DOCK11: variants seen among roughly 807,000 people sequenced by gnomAD.
The protein encoded by DOCK11 is dedicator of cytokinesis protein 11.
DOCK11 carries 70 observed loss-of-function variants against 169.1 expected under a neutral mutation model. The observed-to-expected ratio is 0.41, with a 90% CI of 0.34 to 0.51. The LOEUF (loss-of-function observed/expected upper bound fraction) is 0.51. Ranked by LOEUF, DOCK11 falls within the 20% of genes least tolerant of loss-of-function variation. The pLI, the probability that DOCK11 is intolerant of heterozygous loss-of-function variation, is 0.10. For missense variants in DOCK11, 1,166 were observed against 1,538.8 expected (o/e 0.76, Z 4.05); for synonymous variants, 529 against 541.3 (o/e 0.98, Z 0.32).
At chrX:118,655,088 C>A in intron 44 of DOCK11, 127 bp downstream of exon 44, 1 of 610,779 alleles carries the variant, frequency 1.6e-6, no homozygotes, top group South Asian at 3.1e-5. Flanking sequence ...TGGCCTTATT[C>A]AGTGTTAAAA....
At position 118,629,349 on chromosome X, in the gene DOCK11, T is replaced by C. The variant is rs776593751; in HGVS notation, c.3775-1030T>C. Among the ~76,000 whole-genome samples the C allele has an allele frequency of 4.5e-5, 5 of 111,797 alleles. No individual in the cohort carries two copies. In the South Asian group the frequency reaches 1.9e-3, roughly 42 times the overall value. ...AGTCACATAGTAGCTAGGCAAGCAA[T>C]CAGAACCTAGGTCTGTTTGCTCCAA... On this transcript the variant is annotated intron_variant, in intron 34 of 52. Coordinates refer to ENST00000276202, the MANE Select transcript of DOCK11 (RefSeq NM_144658.4).
At chrX:118,615,249 G>T (rs1321654732) in intron 29 of DOCK11, among the ~76,000 whole-genome samples, 1 of 112,284 alleles carries the variant, frequency 8.9e-6, no homozygotes, top group African/African-American at 3.2e-5. Flanking sequence ...GGCTGATTAT[G>T]TGTTGGAGGC....
chrX:118,618,649 A>G lies in DOCK11; in HGVS notation c.3392A>G (p.Tyr1131Cys). The G allele has an allele frequency of 8.3e-7, 1 of 1,207,058 alleles. No homozygotes were observed. The part of the protein sequence containing the change: ...RETSIALQDN[Y>C]EIRYTAISVI... ...ACTTCCATTGCTCTTCAGGACAATTATGAGATCAGATATACAGCTATCTCT... is the reference window on the plus strand; with the variant it reads ...ACTTCCATTGCTCTTCAGGACAATTGTGAGATCAGATATACAGCTATCTCT... The change falls in exon 31 of 53, where the codon TAT becomes TGT. Residue 1131 changes from tyrosine (Y) to cysteine (C), a missense_variant. Transcript: ENST00000276202.
In DOCK11 at chrX:118,606,299, T is replaced by A. The variant is rs1395347174; in HGVS notation, c.2681+943T>A. On this transcript the variant is annotated intron_variant, in intron 24 of 52. Coordinates refer to ENST00000276202, the MANE Select transcript of DOCK11 (RefSeq NM_144658.4). ...GGTCGGGCTGGTCTCAAACTCCTGA[T>A]CTCAGGCGATCCATCCGCCTCGGCC... 9.0e-5 allele frequency among the ~76,000 whole-genome samples: 10 copies of A among 111,265 alleles called. No individual in the cohort carries two copies. In the Admixed American group the frequency reaches 9.5e-4, roughly 11 times the overall value.
At chrX:118,685,444 A>G in intron 52 of DOCK11, 1 of 294,196 alleles carries the variant, frequency 3.4e-6, no homozygotes, top group South Asian at 8.5e-5. Flanking sequence ...TGAATTTTGC[A>G]TTTTACAGTC....
At chrX:118,651,902 A>G in intron 41 of DOCK11, 62 bp from the exon 42 acceptor site, 1 of 780,116 alleles carries the variant, frequency 1.3e-6, no homozygotes, top group South Asian at 2.4e-5. Flanking sequence ...TTATAAAATG[A>G]TGAGCATAGA....
At chrX:118,652,965 C>T (rs181021939) in intron 42 of DOCK11, among the ~76,000 whole-genome samples, 125 of 112,239 alleles carry the variant, frequency 1.1e-3, no homozygotes, top group African/African-American at 3.9e-3. Context: ...AAAATAACAG[C>T]GTGTAGTGCC....
intron 14 of DOCK11, among the ~76,000 whole-genome samples, chrX:118,581,805 T>TAAGAAA (rs2013646942): frequency 7.8e-5 from 1 of 12,746 alleles, no homozygotes; most frequent in Non-Finnish European, 1.3e-4. Flanking sequence ...CTCCGTCTCC[T>TAAGAAA]AAAAAAAAAA....
At position 118,615,594 on chromosome X, in the gene DOCK11, A is replaced by G. The variant is rs1313576052; in HGVS notation, c.3181-6A>G. On this transcript the variant is annotated splice_region_variant and splice_polypyrimidine_tract_variant and intron_variant, in intron 29 of 52. Transcript: ENST00000276202. ...ATGAGCTAATGTATCATTTCTTTCC[A>G]TTTAGGTTCTGGCTGAATACAAGTT... The G allele has an allele frequency of 8.4e-7, 1 of 1,190,952 alleles. No homozygotes were observed. Among genetic ancestry groups the G allele is most frequent in the Non-Finnish European group, 1.1e-6 (1 of 879,146 alleles).
intron 51 of DOCK11, 133 bp from the exon 52 acceptor site, chrX:118,682,946 G>T: frequency 1.7e-6 from 1 of 580,409 alleles, no homozygotes; most frequent in South Asian, 3.7e-5. Context: ...AGAAATAAAT[G>T]CACAGTGAGA....
At chrX:118,641,066 G>A (rs904560193) in intron 38 of DOCK11, 124 bp from the exon 39 acceptor site, 1 of 513,808 alleles carries the variant, frequency 1.9e-6, no homozygotes, top group South Asian at 2.6e-5. Flanking sequence ...TGGGATTACA[G>A]GCATGAGCCA....
intron 52 of DOCK11, among the ~76,000 whole-genome samples, chrX:118,684,476 A>ATGT (rs1346299167): frequency 1.9e-5 from 2 of 107,701 alleles, no homozygotes; most frequent in Non-Finnish European, 3.8e-5. Flanking sequence ...GGATTTCACC[A>ATGT]TGTTAGCCAG....
At chrX:118,685,497 G>A (rs1339895090) in intron 52 of DOCK11, 191 bp from the exon 53 acceptor site, 1 of 409,823 alleles carries the variant, frequency 2.4e-6, no homozygotes, top group African/African-American at 2.6e-5. Context: ...CTGCTTTTTT[G>A]ATATGCTGCC....
rs145605110 is a variant in DOCK11, at chrX:118,566,840, C to G, written c.951+187C>G. ...AGACTAACTTGTAAGTACCAACTGA[C>G]AGTTTGGAAAAATCTTATTTTTTTC... On this transcript the variant is annotated intron_variant, in intron 9 of 52. Transcript: ENST00000276202. Among the ~76,000 whole-genome samples the G allele has an allele frequency of 4.4e-3, 496 of 112,382 alleles. 2 individuals carry two copies. Among genetic ancestry groups the G allele is most frequent in the African/African-American group, 0.015 (464 of 31,003 alleles).
chrX:118,670,687 A>G (rs777626821), intron 45 of DOCK11, among the ~76,000 whole-genome samples: 222 of 111,938 alleles, frequency 2.0e-3, no homozygotes, highest in African/African-American at 6.7e-3. Context: ...GACATCCTCA[A>G]TTTGGAACAA....
chrX:118,561,585 A>G (rs1394258512), intron 7 of DOCK11, 68 bp downstream of exon 7: 1 of 1,061,251 alleles, frequency 9.4e-7, no homozygotes, highest in African/African-American at 1.9e-5. Context: ...AGAACCCCAG[A>G]TGGTTGGGTG....
intron 1 of DOCK11, among the ~76,000 whole-genome samples, chrX:118,507,580 C>T (rs1257901646): frequency 9.0e-6 from 1 of 111,662 alleles, no homozygotes; most frequent in African/African-American, 3.3e-5. Flanking sequence ...GAACTCCTGA[C>T]CTCAGGTGAT....
At chrX:118,576,368 C>T (rs1370816713) in intron 12 of DOCK11, among the ~76,000 whole-genome samples, 1 of 111,604 alleles carries the variant, frequency 9.0e-6, no homozygotes, top group Non-Finnish European at 1.9e-5. Flanking sequence ...GACCTCCAGC[C>T]CACGTGGGAT....
At chrX:118,647,487 T>C (rs2015709709) in intron 40 of DOCK11, among the ~76,000 whole-genome samples, 1 of 75,234 alleles carries the variant, frequency 1.3e-5, no homozygotes, top group Non-Finnish European at 2.4e-5. Flanking sequence ...ATATATATTA[T>C]ATTATTATAT....
Sources: allele counts gnomAD v4.1 joint callset (sites outside exome capture counted in the v4.1 genomes callset), GRCh38; gene constraint gnomAD v4.1.1; transcripts MANE v1.5; gene names NCBI Gene and HGNC (gene_info 2026-07-23, HGNC 2026-07-21).